BRD7: variants seen among roughly 807,000 people sequenced by gnomAD.
The protein encoded by BRD7 is bromodomain-containing protein 7.
In BRD7, 15 loss-of-function variants were observed where a neutral mutation model predicts 82.1. The observed-to-expected ratio is 0.18, with a 90% confidence interval of 0.12 to 0.28. The LOEUF (loss-of-function observed/expected upper bound fraction) is 0.28, where lower values mean the gene tolerates loss of function less well. Among genes scored for constraint, BRD7 ranks in the 10% least tolerant of loss-of-function variants. The pLI is 1.00. For synonymous variants in BRD7, 232 were observed against 266.9 expected (o/e 0.87, Z 1.27); for missense variants, 638 against 779.9 (o/e 0.82, Z 2.17).
At chr16:50,362,821 G>A (rs905566249) in intron 2 of BRD7, among the ~76,000 whole-genome samples, 6 of 152,244 alleles carry the variant, frequency 3.9e-5, no homozygotes, top group South Asian at 2.1e-4. Context: ...TAATAGGTAC[G>A]AAAAAGTTCT....
chr16:50,321,240 A>G (rs1021217381), intron 13 of BRD7, among the ~76,000 whole-genome samples: 1 of 152,118 alleles, frequency 6.6e-6, no homozygotes, highest in African/African-American at 2.4e-5. Context: ...GGCTGTCAGT[A>G]TTGCATGAGA....
chr16:50,329,922 A>T (rs898948170), intron 8 of BRD7, among the ~76,000 whole-genome samples: 1 of 152,180 alleles, frequency 6.6e-6, no homozygotes, highest in East Asian at 1.9e-4. Context: ...GGCTCTGTAA[A>T]ATGTCTCAGT....
intron 2 of BRD7, among the ~76,000 whole-genome samples, chr16:50,360,016 T>C (rs1441503219): frequency 6.6e-6 from 1 of 152,236 alleles, no homozygotes; most frequent in Non-Finnish European, 1.5e-5. Context: ...CACAACTTGA[T>C]GGCAAGTTAT....
rs1888619383 is a variant in BRD7 at position 50,319,944 on chromosome 16, T to C, written c.1843A>G (p.Met615Val). 2 of 1,612,886 alleles carry C rather than the reference T, an allele frequency of 1.2e-6. No homozygotes were observed. Among genetic ancestry groups the C allele is most frequent in the Non-Finnish European group, 1.7e-6 (2 of 1,179,978 alleles). The change falls in exon 16 of 17, where the codon ATG becomes GTG. Residue 615 changes from methionine to valine, a missense_variant. By Grantham distance (21) the Met-to-Val change is conservative. Coordinates refer to ENST00000394688, the MANE Select transcript of BRD7 (RefSeq NM_013263.5). ...IVSTYGVRKA[M>V]GISIPSPVME... ...ACGGGGGAAGGAATGGAAATCCCCATTGCTTTTCGAACTCCATACGTGCTT... is the reference window on the plus strand; with the variant it reads ...ACGGGGGAAGGAATGGAAATCCCCACTGCTTTTCGAACTCCATACGTGCTT...
chr16:50,330,690 C>T (rs2037527735), intron 8 of BRD7, among the ~76,000 whole-genome samples: 2 of 152,006 alleles, frequency 1.3e-5, no homozygotes, highest in South Asian at 4.1e-4. Flanking sequence ...CTCTAATCAA[C>T]TGACCAAAGA....
intron 2 of BRD7, among the ~76,000 whole-genome samples, chr16:50,363,443 T>C (rs1166295399): frequency 6.6e-6 from 1 of 152,156 alleles, no homozygotes; most frequent in African/African-American, 2.4e-5. Flanking sequence ...ATAGGGGTGG[T>C]GTCTTGTGGA....
At chr16:50,319,835 T>A in intron 16 of BRD7, 52 bp downstream of exon 16, 1 of 1,576,366 alleles carries the variant, frequency 6.3e-7, no homozygotes, top group Non-Finnish European at 8.6e-7. Flanking sequence ...CACTGAGGGA[T>A]GACTATAGTC....
chr16:50,363,612 G>GA (rs1223850558), intron 2 of BRD7, among the ~76,000 whole-genome samples: 1 of 151,922 alleles, frequency 6.6e-6, no homozygotes, highest in Non-Finnish European at 1.5e-5. Flanking sequence ...AGGCACTTTT[G>GA]AAAAATTGTA....
At chr16:50,329,627 T>C (rs187143810) in intron 8 of BRD7, among the ~76,000 whole-genome samples, 52 of 152,220 alleles carry the variant, frequency 3.4e-4, no homozygotes, top group Admixed American at 1.8e-3. Flanking sequence ...CTGAAAACAC[T>C]AGTGTATTTG....
chr16:50,357,895 C>A (rs1464592546), intron 2 of BRD7, among the ~76,000 whole-genome samples: 2 of 151,804 alleles, frequency 1.3e-5, no homozygotes, highest in Non-Finnish European at 1.5e-5. Flanking sequence ...GCAGGAGAAT[C>A]GCTTGAACCC....
chr16:50,367,472 C>T (rs976966892), intron 2 of BRD7, among the ~76,000 whole-genome samples: 3 of 152,218 alleles, frequency 2.0e-5, no homozygotes, highest in Non-Finnish European at 2.9e-5. Flanking sequence ...AATCCTCCCA[C>T]CTCGGCATTC....
chr16:50,331,269 A>G (rs1309036764), intron 8 of BRD7, among the ~76,000 whole-genome samples: 1 of 152,246 alleles, frequency 6.6e-6, no homozygotes, highest in Non-Finnish European at 1.5e-5. Context: ...TGCTATTCCT[A>G]TCAAATTCCC....
chr16:50,361,957 T>C (rs965913884), intron 2 of BRD7: 11 of 152,268 alleles, frequency 7.2e-5, no homozygotes, highest in Middle Eastern at 3.4e-3. Context: ...TAAATAAAAA[T>C]TGGGTTGTCA....
At chr16:50,365,229 T>C (rs2039093602) in intron 2 of BRD7, among the ~76,000 whole-genome samples, 1 of 152,178 alleles carries the variant, frequency 6.6e-6, no homozygotes, top group Non-Finnish European at 1.5e-5. Context: ...CCCTGCCCCA[T>C]AGTTGGCTCC....
At chr16:50,342,674 G>A (rs778997343) in intron 5 of BRD7, among the ~76,000 whole-genome samples, 7 of 151,960 alleles carry the variant, frequency 4.6e-5, no homozygotes, top group Non-Finnish European at 1.0e-4. Flanking sequence ...ACCTGCCTCG[G>A]CCTCCGGAAG....
chr16:50,346,990 A>G (rs986861577), intron 5 of BRD7, among the ~76,000 whole-genome samples: 4 of 152,222 alleles, frequency 2.6e-5, no homozygotes, highest in Non-Finnish European at 5.9e-5. Context: ...TCCCTGATGA[A>G]CATCGATGCA....
chr16:50,346,772 C>T (rs941602601), intron 5 of BRD7, among the ~76,000 whole-genome samples: 1 of 151,270 alleles, frequency 6.6e-6, no homozygotes, highest in Admixed American at 6.6e-5. Context: ...GAGGCAATAG[C>T]CTACCAACCA....
chr16:50,319,924 G>A lies in BRD7; in HGVS notation c.1863C>T (p.Ser621=). The A allele has an allele frequency of 6.2e-7, 1 of 1,612,354 alleles. No individual in the cohort carries two copies. Among genetic ancestry groups the A allele is most frequent in the Non-Finnish European group, 8.5e-7 (1 of 1,179,934 alleles). Residue 621 remains serine (S), a synonymous_variant, in exon 16 of 17, where the codon TCC becomes TCT. Transcript: ENST00000394688. ...VRKAMGISIP[S]PVMENNFVDL... Reference sequence around the variant, plus strand: ...CCACAAAGTTGTTTTCCATGACGGGGGAAGGAATGGAAATCCCCATTGCTT... The same window carrying A: ...CCACAAAGTTGTTTTCCATGACGGGAGAAGGAATGGAAATCCCCATTGCTT...
intron 4 of BRD7, among the ~76,000 whole-genome samples, chr16:50,350,604 C>T (rs2151188327): frequency 6.6e-6 from 1 of 152,294 alleles, no homozygotes; most frequent in East Asian, 1.9e-4. Flanking sequence ...ATTTCTGGTC[C>T]ATGCATGTCT....
Sources: allele counts gnomAD v4.1 joint callset (sites outside exome capture counted in the v4.1 genomes callset), GRCh38; gene constraint gnomAD v4.1.1; transcripts MANE v1.5; gene names NCBI Gene and HGNC (gene_info 2026-07-23, HGNC 2026-07-21).